The following BCAR3 variants were observed in gnomAD, a reference collection of about 807,000 sequenced individuals.
BCAR3 encodes the protein breast cancer anti-estrogen resistance protein 3.
In BCAR3, 37 loss-of-function variants were observed where a neutral mutation model predicts 80.1. That is an observed-to-expected ratio of 0.46 (90% CI 0.36 to 0.61). BCAR3 has a LOEUF of 0.61. Ranked by LOEUF, BCAR3 falls within the 20% of genes least tolerant of loss-of-function variation. BCAR3 has a pLI of 0.00. For synonymous variants in BCAR3, 389 were observed against 418.9 expected (o/e 0.93, Z 0.87); for missense variants, 978 against 1,068.2 (o/e 0.92, Z 1.18).
chr1:93,641,035 C>T (rs187515598), intron 3 of BCAR3, among the ~76,000 whole-genome samples: 124 of 152,280 alleles, frequency 8.1e-4, no homozygotes, highest in African/African-American at 2.9e-3. Context: ...GTGATGCATC[C>T]GGGAGGGACA....
At chr1:93,563,538 G>A (rs1672791809) in intron 11 of BCAR3, among the ~76,000 whole-genome samples, 1 of 152,114 alleles carries the variant, frequency 6.6e-6, no homozygotes, top group Admixed American at 6.5e-5. Flanking sequence ...CATTTCTCTA[G>A]GAAAGGAATT....
chr1:93,613,725 A>C (rs1223154144), intron 3 of BCAR3: 3 of 1,241,892 alleles, frequency 2.4e-6, no homozygotes, highest in Non-Finnish European at 3.3e-6. Flanking sequence ...CAGTCAAAGA[A>C]AGCACCTCTG....
chr1:93,810,728 AG>A (rs1653813190), intron 2 of BCAR3, among the ~76,000 whole-genome samples: 1 of 152,196 alleles, frequency 6.6e-6, no homozygotes, highest in African/African-American at 2.4e-5. Context: ...TACTGTCCAA[AG>A]CTCTCTGGTC....
intron 5 of BCAR3, chr1:93,585,096 A>C (rs2101836526): frequency 1.0e-6 from 1 of 985,496 alleles, no homozygotes; most frequent in East Asian, 1.1e-4. Flanking sequence ...ATATCTCCCG[A>C]GAAGTGATAT....
At chr1:93,676,933 T>G (rs1346645466) in intron 1 of BCAR3, among the ~76,000 whole-genome samples, 2 of 152,244 alleles carry the variant, frequency 1.3e-5, no homozygotes, top group Non-Finnish European at 2.9e-5. Flanking sequence ...AAGATCTACT[T>G]AGACTTCAAG....
intron 2 of BCAR3, among the ~76,000 whole-genome samples, chr1:93,760,427 G>A (rs947413830): frequency 3.3e-5 from 5 of 152,120 alleles, no homozygotes; most frequent in African/African-American, 1.2e-4. Context: ...CAGGTATAAA[G>A]CATGATGAAG....
At chr1:93,809,456 G>A (rs1653755830) in intron 2 of BCAR3, among the ~76,000 whole-genome samples, 1 of 152,008 alleles carries the variant, frequency 6.6e-6, no homozygotes, top group African/African-American at 2.4e-5. Flanking sequence ...AAAGTCTTTG[G>A]TACTATTTGA....
chr1:93,706,490 G>A (rs1649831953), intron 2 of BCAR3, among the ~76,000 whole-genome samples: 1 of 152,128 alleles, frequency 6.6e-6, no homozygotes, highest in African/African-American at 2.4e-5. Context: ...TAGAGGTAGA[G>A]GGAAGCAAGC....
chr1:93,590,591 A>G (rs552638533), intron 4 of BCAR3, among the ~76,000 whole-genome samples: 1 of 152,260 alleles, frequency 6.6e-6, no homozygotes, highest in Non-Finnish European at 1.5e-5. Flanking sequence ...TATCGGTTTT[A>G]TAATTCTGAC....
intron 2 of BCAR3, among the ~76,000 whole-genome samples, chr1:93,741,440 C>T (rs1427670853): frequency 6.6e-6 from 1 of 152,156 alleles, no homozygotes; most frequent in Non-Finnish European, 1.5e-5. Context: ...TTCAGTAAAA[C>T]AAAGATGATG....
intron 2 of BCAR3, among the ~76,000 whole-genome samples, chr1:93,800,708 CT>C (rs1448805690): frequency 1.3e-5 from 2 of 152,128 alleles, no homozygotes; most frequent in Non-Finnish European, 2.9e-5. Context: ...AATCAATCCT[CT>C]TTCAGTTATT....
intron 3 of BCAR3, among the ~76,000 whole-genome samples, chr1:93,593,728 A>AAACAACAACAACAACAACAAC (rs112457260): frequency 7.3e-5 from 11 of 151,294 alleles, no homozygotes; most frequent in South Asian, 6.3e-4. Flanking sequence ...CTTTTCCACC[A>AAACAACAACAACAACAACAAC]AACAACAACA....
At chr1:93,744,533 T>G (rs1651287880) in intron 2 of BCAR3, among the ~76,000 whole-genome samples, 1 of 152,210 alleles carries the variant, frequency 6.6e-6, no homozygotes, top group Non-Finnish European at 1.5e-5. Context: ...CTGGCCCTTC[T>G]GCATACACAG....
At chr1:93,581,505 G>A (rs1283465243) in intron 7 of BCAR3, among the ~76,000 whole-genome samples, 1 of 151,938 alleles carries the variant, frequency 6.6e-6, no homozygotes, top group East Asian at 1.9e-4. Flanking sequence ...CCGCCTCCCA[G>A]GTTCAAGCAA....
intron 2 of BCAR3, among the ~76,000 whole-genome samples, chr1:93,727,276 G>T (rs1415458730): frequency 6.6e-6 from 1 of 152,172 alleles, no homozygotes; most frequent in Non-Finnish European, 1.5e-5. Flanking sequence ...TGGATTTAAT[G>T]TGGCAGCCTT....
intron 3 of BCAR3, among the ~76,000 whole-genome samples, chr1:93,688,930 C>T (rs1649070698): frequency 6.6e-6 from 1 of 152,170 alleles, no homozygotes; most frequent in African/African-American, 2.4e-5. Context: ...AGCCACCATG[C>T]CTGGCCAGCA....
intron 2 of BCAR3, among the ~76,000 whole-genome samples, chr1:93,734,732 G>A (rs912761699): frequency 3.3e-5 from 5 of 152,208 alleles, no homozygotes; most frequent in Admixed American, 1.3e-4. Context: ...GGGATTCAGA[G>A]ATGTTACTGG....
At chr1:93,720,610 C>G (rs1650359035) in intron 2 of BCAR3, among the ~76,000 whole-genome samples, 2 of 152,230 alleles carry the variant, frequency 1.3e-5, no homozygotes, top group Non-Finnish European at 2.9e-5. Flanking sequence ...CGACTGCCTC[C>G]TCCACAGGCC....
intron 7 of BCAR3, among the ~76,000 whole-genome samples, chr1:93,576,826 G>A (rs370564924): frequency 2.0e-5 from 3 of 152,302 alleles, no homozygotes; most frequent in Non-Finnish European, 4.4e-5. Context: ...CAATGTCATG[G>A]AGAAGTGTTA....
Sources: gnomAD v4.1 joint callset for allele counts (sites outside exome capture counted in the v4.1 genomes callset) on GRCh38, gnomAD v4.1.1 for gene constraint, MANE v1.5 for transcripts, NCBI Gene and HGNC (gene_info 2026-07-23, HGNC 2026-07-21) for gene names.